TULP4: variants seen among roughly 807,000 people sequenced by gnomAD.
TULP4 encodes the protein tubby-related protein 4.
TULP4 carries 16 observed loss-of-function variants against 129.0 expected under a neutral mutation model. That is an observed-to-expected ratio of 0.12 (90% confidence interval 0.08 to 0.19). TULP4 has a LOEUF of 0.19. TULP4 is among the 10% of genes least tolerant of loss of function. TULP4 has a pLI of 1.00. For missense variants in TULP4, 1,842 were observed against 2,059.1 expected (o/e 0.89, Z 2.04); for synonymous variants, 998 against 854.0 (o/e 1.17, Z -2.94).
chr6:158,466,376 C>T (rs1291309960), intron 6 of TULP4, among the ~76,000 whole-genome samples: 1 of 152,130 alleles, frequency 6.6e-6, no homozygotes, highest in Non-Finnish European at 1.5e-5. Flanking sequence ...TGTCATTTTT[C>T]TGGGATTTTT....
At chr6:158,501,557 C>T in intron 12 of TULP4, 121 bp from the exon 13 acceptor site, 2 of 1,020,028 alleles carry the variant, frequency 2.0e-6, no homozygotes. Context: ...ACGTCTCTGT[C>T]TCTGGCAATT....
chr6:158,232,549 C>T (rs1428598709), intron 1 of TULP4, among the ~76,000 whole-genome samples: 1 of 151,828 alleles, frequency 6.6e-6, no homozygotes, highest in Non-Finnish European at 1.5e-5. Flanking sequence ...CTGTGGGAGC[C>T]TTTTGTCTCC....
Position 158,501,806 on chromosome 6 carries a change from G to A in TULP4, c.2143G>A (p.Ala715Thr). The change falls in exon 13 of 14, where the codon GCC (alanine) becomes ACC (threonine). Residue 715 changes from alanine (A) to threonine (T), a missense_variant. Ala to Thr is a moderately conservative substitution (Grantham distance 58). Transcript: ENST00000367097. ...CATAGGGCTGGTGCAGTCCCTACTG[G>A]CCAATCAGAATGTGCAGCTAGATGT... ...QSIGLVQSLL[A>T]NQNVQLDVLT... 3.7e-6 allele frequency: 6 copies of A among 1,614,114 alleles called. No individual in the cohort carries two copies. The highest frequency in any genetic ancestry group is 5.1e-6 in the Non-Finnish European group (6 of 1,180,032).
At chr6:158,356,461 G>A (rs1197847718) in intron 1 of TULP4, among the ~76,000 whole-genome samples, 4 of 152,146 alleles carry the variant, frequency 2.6e-5, no homozygotes, top group Non-Finnish European at 5.9e-5. Context: ...TTTGGAGGTC[G>A]TTGTTTTTCA....
chr6:158,366,399 A>G (rs1780965513), intron 1 of TULP4, among the ~76,000 whole-genome samples: 1 of 152,186 alleles, frequency 6.6e-6, no homozygotes, highest in Non-Finnish European at 1.5e-5. Context: ...AGTAGTGAGT[A>G]GAGGGCCAAT....
At chr6:158,271,435 ATT>A (rs11353069) in intron 1 of TULP4, among the ~76,000 whole-genome samples, 18 of 143,200 alleles carry the variant, frequency 1.3e-4, no homozygotes, top group South Asian at 2.2e-4. Context: ...CCATTTTAGA[ATT>A]TTTTTTTTTT....
chr6:158,487,608 C>T (rs1033755647), intron 8 of TULP4, among the ~76,000 whole-genome samples: 1 of 152,240 alleles, frequency 6.6e-6, no homozygotes. Flanking sequence ...CCAGAACAGC[C>T]ATGATAAATT....
chr6:158,501,594 G>A (rs1210800612), intron 12 of TULP4, 84 bp from the exon 13 acceptor site: 1 of 1,341,860 alleles, frequency 7.5e-7, no homozygotes, highest in African/African-American at 1.5e-5. Context: ...AAGGAGACTG[G>A]ATGAGTCCAG....
chr6:158,458,541 G>A (rs1387786407), intron 5 of TULP4, among the ~76,000 whole-genome samples: 2 of 152,086 alleles, frequency 1.3e-5, no homozygotes, highest in Non-Finnish European at 2.9e-5. Context: ...TTCCTTTTAG[G>A]TTGTATTCTG....
chr6:158,301,357 A>G (rs9364934), intron 1 of TULP4, among the ~76,000 whole-genome samples: 131,659 of 151,906 alleles, frequency 0.87, 57,417 homozygotes, highest in Admixed American at 0.92. Context: ...TTGGTCAATC[A>G]AGTGACCACC....
intron 3 of TULP4, among the ~76,000 whole-genome samples, chr6:158,444,489 A>G (rs1583883414): frequency 6.6e-6 from 1 of 152,130 alleles, no homozygotes; most frequent in African/African-American, 2.4e-5. Context: ...ACTAGTTCCA[A>G]TACTACAAAT....
intron 5 of TULP4, among the ~76,000 whole-genome samples, chr6:158,461,287 C>T (rs748590020): frequency 3.3e-5 from 5 of 151,902 alleles, no homozygotes; most frequent in Non-Finnish European, 7.4e-5. Context: ...GGCACGCGCC[C>T]GTAGTCCCAG....
chr6:158,488,424 G>C (rs188441356), intron 8 of TULP4, among the ~76,000 whole-genome samples: 1 of 152,222 alleles, frequency 6.6e-6, no homozygotes, highest in East Asian at 1.9e-4. Context: ...TCCAGGCGTC[G>C]AGCCTCCTGA....
chr6:158,388,322 C>CTTTTTTTTTTTTTTTTTTTT (rs10650311), intron 1 of TULP4, among the ~76,000 whole-genome samples: 3 of 86,260 alleles, frequency 3.5e-5, no homozygotes, highest in East Asian at 4.2e-4. Flanking sequence ...GCTCGTTTTT[C>CTTTTTTTTTTTTTTTTTTTT]TTTTTTTTTT....
At chr6:158,348,281 G>A (rs576715789) in intron 1 of TULP4, among the ~76,000 whole-genome samples, 100 of 149,384 alleles carry the variant, frequency 6.7e-4, no homozygotes, top group African/African-American at 1.8e-3. Context: ...AGATAAACAC[G>A]TGAACAAAAG....
chr6:158,260,142 A>T (rs1054536933), intron 1 of TULP4, among the ~76,000 whole-genome samples: 1 of 152,136 alleles, frequency 6.6e-6, no homozygotes, highest in African/African-American at 2.4e-5. Flanking sequence ...CATCCCTTGA[A>T]ATGCTCTAAG....
In TULP4 at chr6:158,364,805, T is replaced by C. The variant is rs570666360; in HGVS notation, c.253-48260T>C. On this transcript the variant is annotated intron_variant, in intron 1 of 13. Coordinates refer to ENST00000367097, the MANE Select transcript of TULP4 (RefSeq NM_020245.5). ...AGGCTGGAGTGCAGTGGCGTGATCT[T>C]GGCTCACTGCAAGCTCTGCCTCCCA... is the stretch of plus-strand genomic sequence containing the variant. 5.9e-5 allele frequency among the ~76,000 whole-genome samples: 9 copies of C among 151,996 alleles called. No homozygotes were observed. In the South Asian group the frequency reaches 1.0e-3, roughly 18 times the overall value.
chr6:158,310,387 C>G (rs942893838), upstream of TULP4: 14 of 143,102 alleles, frequency 9.8e-5, no homozygotes, highest in African/African-American at 3.4e-4. Flanking sequence ...GTGGTGCGAT[C>G]TTGGCTCACC....
chr6:158,327,660 A>G (rs555463851), intron 1 of TULP4, among the ~76,000 whole-genome samples: 22 of 116,350 alleles, frequency 1.9e-4, no homozygotes, highest in Non-Finnish European at 3.0e-4. Flanking sequence ...GATACAAATT[A>G]TGGTTTTAAA....
Sources: gnomAD v4.1 joint callset for allele counts (sites outside exome capture counted in the v4.1 genomes callset) on GRCh38, gnomAD v4.1.1 for gene constraint, MANE v1.5 for transcripts, NCBI Gene and HGNC (gene_info 2026-07-23, HGNC 2026-07-21) for gene names.